Variants in IFT140 observed in about 807,000 individuals in gnomAD.
IFT140 encodes intraflagellar transport protein 140 homolog.
IFT140 carries 133 observed loss-of-function variants against 164.6 expected under a neutral mutation model. That is an observed-to-expected ratio of 0.81 (90% CI 0.70 to 0.93). The LOEUF (loss-of-function observed/expected upper bound fraction) is 0.93. Ranked by LOEUF, IFT140 falls within the 40% of genes least tolerant of loss-of-function variation. IFT140 has a pLI of 0.00. For missense variants in IFT140, 2,045 were observed against 1,972.3 expected (o/e 1.04, Z -0.70); for synonymous variants, 860 against 817.3 (o/e 1.05, Z -0.89).
intron 2 of IFT140, among the ~76,000 whole-genome samples, chr16:1,609,139 A>G (rs1259728667): frequency 6.6e-6 from 1 of 152,080 alleles, no homozygotes; most frequent in Non-Finnish European, 1.5e-5. Context: ...TGGGCGACAG[A>G]GCAAAACTGT....
Position 1,553,900 on chromosome 16 carries a change from G to T in IFT140, c.2399+4035C>A. ...GTCACGAAACCCTGATTTTCCTGTTGTAAGAACTAAAAAGGTCTTTGGAGC... is the reference window on the plus strand; with the variant it reads ...GTCACGAAACCCTGATTTTCCTGTTTTAAGAACTAAAAAGGTCTTTGGAGC... On this transcript the variant is annotated intron_variant, in intron 19 of 30. Transcript: ENST00000426508. The surrounding 1 kb of genome is among the most constrained non-coding windows in gnomAD (Gnocchi z 4.4). The T allele has an allele frequency of 1.3e-5, 17 of 1,271,662 alleles. No homozygotes were observed. The highest frequency in any genetic ancestry group is 1.7e-5 in the Non-Finnish European group (17 of 978,522). 78.8% of individuals were successfully genotyped at this position (1,271,662 alleles called of 1,614,324 possible). A position where few individuals can be genotyped will look rare whatever the true frequency, so the allele number is the denominator to read the frequency against.
At chr16:1,580,968 G>C in intron 12 of IFT140, 118 bp from the exon 13 acceptor site, 1 of 692,730 alleles carries the variant, frequency 1.4e-6, no homozygotes, top group Admixed American at 2.1e-5. Flanking sequence ...CAGCTTCATA[G>C]GGGTGCACTA....
rs765237247 is a variant in IFT140 at position 1,511,169 on chromosome 16, C to T, written c.4183-19G>A. The T allele has an allele frequency of 3.2e-6, 5 of 1,584,338 alleles. No individual in the cohort carries two copies. The highest frequency in any genetic ancestry group is 4.3e-6 in the Non-Finnish European group (5 of 1,165,802). On this transcript the variant is annotated intron_variant, in intron 30 of 30. Transcript: ENST00000426508. ...TGTAGGCCTGGGGCAGAGGAGCAGA[C>T]ATTACTCAGCTTTCCTGAACAACCA...
At chr16:1,537,505 A>T (rs969290258) in intron 19 of IFT140, among the ~76,000 whole-genome samples, 15 of 152,236 alleles carry the variant, frequency 9.9e-5, no homozygotes, top group African/African-American at 3.4e-4. Flanking sequence ...TCTCGACTTC[A>T]TCCAGGTTCA....
In IFT140 at chr16:1,602,415, C is replaced by A. The variant is rs1567428407; in HGVS notation, c.324G>T (p.Val108=). 1 of 1,614,212 alleles carries A rather than the reference C, an allele frequency of 6.2e-7. No homozygotes were observed. Among genetic ancestry groups the A allele is most frequent in the Admixed American group, 1.7e-5 (1 of 60,024 alleles). ...AGTTTCCACTGGGGCTCCAACGGAG[C>A]ACGGTGATGTCGGCTGTGTGTGTCA... is the stretch of plus-strand genomic sequence containing the variant. ...MPLTHTADIT[V]LRWSPSGNCL... is the part of the protein sequence containing the mutation. The change falls in exon 4 of 31, where the codon GTG becomes GTT. Residue 108 remains valine, a synonymous_variant. Coordinates refer to ENST00000426508, the MANE Select transcript of IFT140 (RefSeq NM_014714.4).
In IFT140 at chr16:1,553,638, CAG is replaced by C. The variant is rs758603875; in HGVS notation, c.2399+4295_2399+4296del. 2.2e-4 allele frequency: 231 copies of C among 1,059,054 alleles called. No homozygotes were observed. The highest frequency in any genetic ancestry group is 2.6e-4 in the Non-Finnish European group (226 of 871,590). The allele number at this position is 1,059,054 out of a possible 1,614,324, so 65.6% of individuals were successfully genotyped here. On this transcript the variant is annotated intron_variant, in intron 19 of 30. Transcript: ENST00000426508. The surrounding 1 kb of genome is among the most constrained non-coding windows in gnomAD (Gnocchi z 4.4). The stretch of plus-strand genomic sequence containing the variant: ...AACAGACTCACTCAGGTTACTGTAA[CAG>C]AGAGGGAGGGGTGCTGGGTGGGCAG...
chr16:1,584,455 G>T, intron 10 of IFT140, 35 bp from the exon 11 acceptor site: 1 of 1,533,190 alleles, frequency 6.5e-7, no homozygotes, highest in Non-Finnish European at 8.9e-7. Context: ...AGAACCAGAT[G>T]TGTGAACAGA....
chr16:1,538,025 G>A (rs918997695), intron 19 of IFT140, among the ~76,000 whole-genome samples: 5 of 151,526 alleles, frequency 3.3e-5, no homozygotes, highest in African/African-American at 1.2e-4. Flanking sequence ...GCACAGCCAC[G>A]CAGAGCCACG....
intron 19 of IFT140, chr16:1,542,013 C>G (rs1254748692): frequency 6.2e-7 from 1 of 1,611,356 alleles, no homozygotes; most frequent in Non-Finnish European, 8.5e-7. Flanking sequence ...GGTGGGCCTG[C>G]CCCTGCTGTC....
chr16:1,554,069 A>G, intron 19 of IFT140: 1 of 1,287,166 alleles, frequency 7.8e-7, no homozygotes, highest in Non-Finnish European at 1.0e-6. Context: ...GCATGGAAGG[A>G]AAATCTGCCA....
chr16:1,519,772 A>T (rs1398241981), intron 29 of IFT140, 109 bp downstream of exon 29: 7 of 1,057,952 alleles, frequency 6.6e-6, no homozygotes, highest in Non-Finnish European at 9.1e-6. Context: ...GTCCCAAGTG[A>T]GCTCCCATCT....
chr16:1,564,471 T>C lies in IFT140; in HGVS notation c.1902-309A>G, dbSNP rs1315870856. Among the ~76,000 whole-genome samples the C allele has an allele frequency of 6.6e-6, 1 of 152,132 alleles. No individual in the cohort carries two copies. The highest frequency in any genetic ancestry group is 1.9e-4 in the East Asian group (1 of 5,184). The stretch of plus-strand genomic sequence containing the variant: ...CAAAGCAAAAGGGACCCTTTTCCTT[T>C]TCCAGGACCAGCAGGCCAACCTCGA... On this transcript the variant is annotated intron_variant, in intron 16 of 30. Coordinates refer to ENST00000426508, the MANE Select transcript of IFT140 (RefSeq NM_014714.4). The surrounding 1 kb of genome is among the most constrained non-coding windows in gnomAD (Gnocchi z 5.5).
chr16:1,584,595 G>C (rs1484134224), intron 10 of IFT140, among the ~76,000 whole-genome samples, 175 bp from the exon 11 acceptor site: 1 of 152,182 alleles, frequency 6.6e-6, no homozygotes, highest in Non-Finnish European at 1.5e-5. Context: ...TAAAGGTAAA[G>C]AGTATGCTGT....
At chr16:1,536,700 C>T (rs1305343890) in intron 19 of IFT140, among the ~76,000 whole-genome samples, 1 of 152,304 alleles carries the variant, frequency 6.6e-6, no homozygotes, top group African/African-American at 2.4e-5. Context: ...AACACGGGGA[C>T]GCGCCCAGAG....
At chr16:1,518,919 C>A (rs1015962889) in intron 29 of IFT140, among the ~76,000 whole-genome samples, 1 of 152,038 alleles carries the variant, frequency 6.6e-6, no homozygotes, top group Non-Finnish European at 1.5e-5. Flanking sequence ...GCTCCCATGT[C>A]AGGAGGGTCC....
chr16:1,543,699 C>A (rs2141308613), intron 19 of IFT140, among the ~76,000 whole-genome samples: 1 of 152,354 alleles, frequency 6.6e-6, no homozygotes, highest in East Asian at 1.9e-4. Flanking sequence ...CGCCTCCTCC[C>A]CTCCTGCATG....
chr16:1,524,598 A>C lies in IFT140; in HGVS notation c.3095T>G (p.Phe1032Cys). ...CTTGAAGGCCTGTGCCCGGGTGTAG[A>C]AGTGCACCGCCTGCCCGACCTCCTC... ...SQEEVGQAVH[F>C]YTRAQAFKNA... is the part of the protein sequence containing the mutation. The change falls in exon 24 of 31, where the codon TTC becomes TGC. Residue 1032 changes from phenylalanine to cysteine, a missense_variant. By Grantham distance (205) the Phe-to-Cys change is radical. Transcript: ENST00000426508. 6.2e-7 allele frequency: 1 copy of C among 1,608,060 alleles called. No individual in the cohort carries two copies. The highest frequency in any genetic ancestry group is 8.5e-7 in the Non-Finnish European group (1 of 1,176,180).
At chr16:1,606,770 C>T (rs1245305464) in intron 3 of IFT140, among the ~76,000 whole-genome samples, 1 of 152,042 alleles carries the variant, frequency 6.6e-6, no homozygotes, top group Non-Finnish European at 1.5e-5. Context: ...TCATAGATGT[C>T]GTTTTCTTCA....
intron 19 of IFT140, among the ~76,000 whole-genome samples, chr16:1,528,387 G>C (rs1430987164): frequency 7.6e-6 from 1 of 131,718 alleles, no homozygotes; most frequent in African/African-American, 3.1e-5. Context: ...ACGCACGTGT[G>C]CACACACACG....
Sources: allele counts gnomAD v4.1 joint callset (sites outside exome capture counted in the v4.1 genomes callset), GRCh38; gene constraint gnomAD v4.1.1; non-coding constraint Gnocchi (gnomAD v3.1); transcripts MANE v1.5; gene names NCBI Gene and HGNC (gene_info 2026-07-23, HGNC 2026-07-21).